GON4L: variants seen among roughly 807,000 people sequenced by gnomAD.
GON4L encodes gon-4 like, also known as GON-4-like protein.
In GON4L, 87 loss-of-function variants were observed where a neutral mutation model predicts 211.8. That is an observed-to-expected ratio of 0.41 (90% CI 0.35 to 0.49). The LOEUF (loss-of-function observed/expected upper bound fraction) is 0.49. Ranked by LOEUF, GON4L falls within the 20% of genes least tolerant of loss-of-function variation. GON4L has a pLI of 0.15. For missense variants in GON4L, 2,155 were observed against 2,659.5 expected, an observed-to-expected ratio of 0.81 and a Z score of 4.17; for synonymous variants, 875 against 962.6, an observed-to-expected ratio of 0.91 and a Z score of 1.68.
rs1317677713 is a variant in GON4L, at chr1:155,814,883, C to T, written c.1162-434G>A. Among the ~76,000 whole-genome samples, 7 of 152,156 alleles carry T rather than the reference C, an allele frequency of 4.6e-5. No homozygotes were observed. The East Asian group carries it at 1.2e-3, about 25-fold the overall frequency. ...ATCCCAGCACTTTGGAAGGCCGAGG[C>T]GGGTGGATCACTTGAGGTCAGAAGT... On this transcript the variant is annotated intron_variant, in intron 8 of 31. Transcript: ENST00000368331.
downstream of GON4L, chr1:155,748,549 G>A (rs553062280): frequency 2.5e-6 from 4 of 1,613,824 alleles, no homozygotes; most frequent in Non-Finnish European, 2.5e-6. Context: ...GCTTTGTGAG[G>A]GGTTGGGTCA....
downstream of GON4L, chr1:155,745,894 G>T: frequency 2.1e-6 from 2 of 967,856 alleles, no homozygotes; most frequent in Non-Finnish European, 3.0e-6. Context: ...TCGTGGGCGC[G>T]CACTGGTGGA....
In GON4L at chr1:155,764,697, C is replaced by G. The variant is rs1662243863; in HGVS notation, c.4473+303G>C. The G allele has an allele frequency of 6.7e-6, 5 of 750,560 alleles. No individual in the cohort carries two copies. In the South Asian group the frequency reaches 9.0e-5, roughly 13 times the overall value. 46.5% of individuals were successfully genotyped at this position (750,560 alleles called of 1,614,324 possible). The stretch of plus-strand genomic sequence containing the variant: ...CTTGTGATCCACCCACCTCAGCCTC[C>G]CAAAGTGCTGGGACTACAGGAGTGA... On this transcript the variant is annotated intron_variant, in intron 21 of 31. Transcript: ENST00000368331.
intron 11 of GON4L, among the ~76,000 whole-genome samples, chr1:155,804,212 A>T (rs1209981676): frequency 1.3e-5 from 2 of 151,594 alleles, no homozygotes; most frequent in Non-Finnish European, 2.9e-5. Context: ...CTCTACAGAA[A>T]TTTTTAAAAA....
At chr1:155,836,689 A>C (rs1217711964) in intron 2 of GON4L, among the ~76,000 whole-genome samples, 2 of 152,210 alleles carry the variant, frequency 1.3e-5, no homozygotes, top group Non-Finnish European at 2.9e-5. Context: ...CCCCAGACAG[A>C]AGCACACCTG....
chr1:155,844,129 T>C (rs1359734959), intron 2 of GON4L, among the ~76,000 whole-genome samples: 1 of 152,168 alleles, frequency 6.6e-6, no homozygotes, highest in Non-Finnish European at 1.5e-5. Context: ...ATAGGGGTGG[T>C]GGCCCCTTGG....
chr1:155,796,631 T>C (rs1463697211), intron 11 of GON4L, among the ~76,000 whole-genome samples: 2 of 152,158 alleles, frequency 1.3e-5, no homozygotes, highest in Non-Finnish European at 2.9e-5. Flanking sequence ...AAGTAAAAAT[T>C]ATGAAGGAGT....
At chr1:155,783,294 A>G (rs927644814) in intron 14 of GON4L, among the ~76,000 whole-genome samples, 4 of 152,188 alleles carry the variant, frequency 2.6e-5, no homozygotes, top group Admixed American at 6.5e-5. Context: ...CTGCTTAGTA[A>G]TGCTGTTAGG....
chr1:155,844,059 T>C (rs1041511741), intron 2 of GON4L, among the ~76,000 whole-genome samples: 2 of 152,136 alleles, frequency 1.3e-5, no homozygotes, highest in Admixed American at 6.5e-5. Flanking sequence ...CCCCATAAAA[T>C]CTAGAAAAAC....
intron 2 of GON4L, among the ~76,000 whole-genome samples, chr1:155,839,897 A>G (rs1306700592): frequency 6.6e-6 from 1 of 152,182 alleles, no homozygotes; most frequent in African/African-American, 2.4e-5. Flanking sequence ...CAATTCTATA[A>G]CTTGTTTCTT....
Position 155,820,640 on chromosome 1 carries a change from C to T in GON4L, c.980G>A (p.Arg327His). ...TTCCACTACTTCCTTCAGTTTAGAG[C>T]GTGTCATTTTAGGCTCCTAAGGAGA... ...DMPMFEPKMT[R>H]SKLKEVVEKG... Residue 327 changes from arginine to histidine, a missense_variant, in exon 6 of 32, where the codon CGC becomes CAC. Coordinates refer to ENST00000368331, the MANE Select transcript of GON4L (RefSeq NM_001282860.2). The T allele has an allele frequency of 1.9e-6, 3 of 1,609,600 alleles. No homozygotes were observed. Among genetic ancestry groups the T allele is most frequent in the Non-Finnish European group, 2.6e-6 (3 of 1,176,190 alleles).
In GON4L at chr1:155,827,018, T is replaced by C; in HGVS notation, c.516A>G (p.Gln172=). The change falls in exon 3 of 32, where the codon CAA becomes CAG. Residue 172 remains glutamine (Q), a synonymous_variant. Coordinates refer to ENST00000368331, the MANE Select transcript of GON4L (RefSeq NM_001282860.2). Reference sequence around the variant, plus strand: ...AAGGTATCTCCCCTTCAGAATTCATTTGAGGTTTCCCTGGAAGAATCACAA... The same window carrying C: ...AAGGTATCTCCCCTTCAGAATTCATCTGAGGTTTCCCTGGAAGAATCACAA... ...EEVKEEGGKP[Q]MNSEGEIPSL... 1 of 1,612,458 alleles carries C rather than the reference T, an allele frequency of 6.2e-7. No individual in the cohort carries two copies. The highest frequency in any genetic ancestry group is 8.5e-7 in the Non-Finnish European group (1 of 1,178,468).
rs772330122 is a variant in GON4L at position 155,760,432 on chromosome 1, C to G, written c.5109+12G>C. The G allele has an allele frequency of 1.4e-5, 22 of 1,561,298 alleles. No individual in the cohort carries two copies. Among genetic ancestry groups the G allele is most frequent in the Non-Finnish European group, 1.8e-5 (21 of 1,142,100 alleles). On this transcript the variant is annotated intron_variant, in intron 24 of 31. Coordinates refer to ENST00000368331, the MANE Select transcript of GON4L (RefSeq NM_001282860.2). ...AGGAGTCCCAGTGTACTTTTTTTCCCCATTCACTTACTAATCCACAGGCCA... is the reference window on the plus strand; with the variant it reads ...AGGAGTCCCAGTGTACTTTTTTTCCGCATTCACTTACTAATCCACAGGCCA...
At chr1:155,848,999 T>C (rs576188163) in intron 2 of GON4L, among the ~76,000 whole-genome samples, 138 of 151,360 alleles carry the variant, frequency 9.1e-4, no homozygotes, top group African/African-American at 3.3e-3. Context: ...ATACAAAAAA[T>C]TAGCTAGGCC....
At chr1:155,745,798 G>C (rs763761395), downstream of GON4L, 2 of 607,794 alleles carry the variant, frequency 3.3e-6, no homozygotes, top group Admixed American at 2.9e-5. Context: ...CGGCGCGGCT[G>C]AGGCGCGGCG....
intron 2 of GON4L, chr1:155,846,241 G>A (rs947635660): frequency 2.8e-5 from 6 of 212,444 alleles, no homozygotes; most frequent in Admixed American, 4.5e-5. Flanking sequence ...AAAAGAAACC[G>A]GCCAGGCGCG....
chr1:155,824,732 A>G lies in GON4L; in HGVS notation c.697+2105T>C, dbSNP rs554107301. 1.5e-3 allele frequency among the ~76,000 whole-genome samples: 217 copies of G among 145,094 alleles called. 1 individual carries two copies. The highest frequency in any genetic ancestry group is 5.0e-3 in the African/African-American group (197 of 39,312). The stretch of plus-strand genomic sequence containing the variant: ...GCACTCCAGCCTGGGCGACAGAGTG[A>G]GACTCTGGTTCAAAACAAAGACTCT... On this transcript the variant is annotated intron_variant, in intron 3 of 31. Coordinates refer to ENST00000368331, the MANE Select transcript of GON4L (RefSeq NM_001282860.2).
chr1:155,821,147 T>A lies in GON4L; in HGVS notation c.963+327A>T, dbSNP rs562975468. Among the ~76,000 whole-genome samples, 6 of 151,984 alleles carry A rather than the reference T, an allele frequency of 3.9e-5. No individual in the cohort carries two copies. The East Asian group carries it at 9.7e-4, about 24-fold the overall frequency. ...CGGGCGTGGTTGCAGGCCCCTGTAG[T>A]CCCAGCTACTCAGGAGGCTGAGGCA... On this transcript the variant is annotated intron_variant, in intron 5 of 31. Coordinates refer to ENST00000368331, the MANE Select transcript of GON4L (RefSeq NM_001282860.2).
At chr1:155,772,999 C>G in intron 18 of GON4L, 67 bp downstream of exon 18, 1 of 1,594,630 alleles carries the variant, frequency 6.3e-7, no homozygotes, top group Admixed American at 1.7e-5. Context: ...CCCCTAAACT[C>G]CTCAAAGGAA....
Sources: allele counts gnomAD v4.1 joint callset (sites outside exome capture counted in the v4.1 genomes callset), GRCh38; gene constraint gnomAD v4.1.1; transcripts MANE v1.5; gene names NCBI Gene and HGNC (gene_info 2026-07-23, HGNC 2026-07-21).